The following BMPER variants were observed in gnomAD, a reference collection of about 807,000 sequenced individuals.
BMPER encodes BMP-binding endothelial regulator protein.
BMPER carries 45 observed loss-of-function variants against 87.3 expected under a neutral mutation model. That is an observed-to-expected ratio of 0.52 (90% CI 0.41 to 0.66). The LOEUF is 0.66. BMPER is among the 30% of genes least tolerant of loss of function. BMPER has a pLI of 0.00. For synonymous variants in BMPER, 326 were observed against 316.2 expected, an observed-to-expected ratio of 1.03 and a Z score of -0.33; for missense variants, 784 against 867.5, an observed-to-expected ratio of 0.90 and a Z score of 1.21.
chr7:34,152,113 T>A (rs1791190884), intron 14 of BMPER, among the ~76,000 whole-genome samples: 1 of 152,224 alleles, frequency 6.6e-6, no homozygotes, highest in African/African-American at 2.4e-5. Flanking sequence ...AATTACACGA[T>A]TCCTTACCAG....
intron 3 of BMPER, among the ~76,000 whole-genome samples, chr7:33,958,922 G>A (rs1785207259): frequency 6.6e-6 from 1 of 152,042 alleles, no homozygotes; most frequent in Non-Finnish European, 1.5e-5. Flanking sequence ...GAATGGTGGG[G>A]GCAGTTTCCC....
chr7:34,107,290 C>T (rs1018647826), intron 13 of BMPER, among the ~76,000 whole-genome samples: 1 of 152,206 alleles, frequency 6.6e-6, no homozygotes, highest in East Asian at 1.9e-4. Context: ...TTTTAGCATA[C>T]AGAAACTATG....
At chr7:34,022,428 C>T (rs993673736) in intron 6 of BMPER, among the ~76,000 whole-genome samples, 23 of 148,118 alleles carry the variant, frequency 1.6e-4, no homozygotes, top group African/African-American at 3.1e-4. Context: ...CTTGAATCCA[C>T]GTGGAAATGG....
intron 7 of BMPER, among the ~76,000 whole-genome samples, chr7:34,048,209 A>AT (rs915539261): frequency 1.3e-5 from 2 of 151,960 alleles, no homozygotes; most frequent in Non-Finnish European, 2.9e-5. Flanking sequence ...CATGAAGTCT[A>AT]TTTTTTTATG....
chr7:34,001,674 C>T (rs1447717770), intron 6 of BMPER, among the ~76,000 whole-genome samples: 8 of 151,286 alleles, frequency 5.3e-5, no homozygotes, highest in Non-Finnish European at 1.0e-4. Flanking sequence ...CTCGATTTCA[C>T]ATATTGCCAT....
chr7:34,085,870 T>C lies in BMPER; in HGVS notation c.1523T>C (p.Leu508Ser). ...TACAATGGACATAAACGTGATGACT[T>C]AATTGGTGGAGATGGAAACTTCAAG... ...GNYNGHKRDD[L>S]IGGDGNFKFD... is the part of the protein sequence containing the mutation. Residue 508 changes from leucine (L) to serine (S), a missense_variant, in exon 13 of 15, where the codon TTA (leucine) becomes TCA (serine). Physicochemically the swap from Leu to Ser is moderately radical, Grantham distance 145. Transcript: ENST00000649409. 1 of 1,614,066 alleles carries C rather than the reference T, an allele frequency of 6.2e-7. No homozygotes were observed. The highest frequency in any genetic ancestry group is 1.6e-4 in the Middle Eastern group (1 of 6,062).
At chr7:34,152,443 T>G (rs1256034345) in intron 14 of BMPER, among the ~76,000 whole-genome samples, 2 of 152,204 alleles carry the variant, frequency 1.3e-5, no homozygotes, top group African/African-American at 2.4e-5. Flanking sequence ...AAAATCACTT[T>G]GCCTCTAAGT....
chr7:34,018,905 T>A (rs1787108599), intron 6 of BMPER, among the ~76,000 whole-genome samples: 1 of 152,028 alleles, frequency 6.6e-6, no homozygotes, highest in Non-Finnish European at 1.5e-5. Flanking sequence ...TGAAATGGGC[T>A]GCTTGCCTTG....
intron 3 of BMPER, among the ~76,000 whole-genome samples, chr7:33,954,651 AG>A (rs1245195397): frequency 3.3e-5 from 5 of 152,210 alleles, no homozygotes; most frequent in African/African-American, 1.2e-4. Flanking sequence ...TAAAAGTATA[AG>A]CCTTTGTTGA....
chr7:34,059,531 C>T (rs567072082), intron 10 of BMPER, among the ~76,000 whole-genome samples: 12 of 147,746 alleles, frequency 8.1e-5, no homozygotes, highest in African/African-American at 2.0e-4. Flanking sequence ...ACCCCCTCCA[C>T]GCCTTGTCAA....
chr7:34,100,838 T>C (rs1463787756), intron 13 of BMPER, among the ~76,000 whole-genome samples: 1 of 152,154 alleles, frequency 6.6e-6, no homozygotes, highest in Admixed American at 6.5e-5. Flanking sequence ...ATACACTTGC[T>C]ACCCACGTAT....
At chr7:33,941,973 G>A (rs1784778531) in intron 3 of BMPER, among the ~76,000 whole-genome samples, 1 of 152,094 alleles carries the variant, frequency 6.6e-6, no homozygotes, top group African/African-American at 2.4e-5. Flanking sequence ...GTGTGGTCAG[G>A]CCTCTTGCGG....
intron 3 of BMPER, among the ~76,000 whole-genome samples, chr7:33,937,742 C>G (rs1784643053): frequency 6.6e-6 from 1 of 152,184 alleles, no homozygotes; most frequent in Non-Finnish European, 1.5e-5. Flanking sequence ...AGTTTCAACA[C>G]TCAGTTTTTC....
intron 9 of BMPER, 67 bp from the exon 10 acceptor site, chr7:34,057,992 T>C: frequency 7.1e-7 from 1 of 1,403,660 alleles, no homozygotes. Context: ...ATGGAGAGGT[T>C]ACAGTCTGTT....
intron 6 of BMPER, among the ~76,000 whole-genome samples, chr7:34,020,612 T>C (rs1787153814): frequency 6.6e-6 from 1 of 151,906 alleles, no homozygotes; most frequent in Admixed American, 6.6e-5. Context: ...GTACATGGTT[T>C]GTGGATCAGA....
chr7:34,085,929 G>T lies in BMPER; in HGVS notation c.1582G>T (p.Val528Leu). 6.2e-7 allele frequency: 1 copy of T among 1,614,166 alleles called. No individual in the cohort carries two copies. The highest frequency in any genetic ancestry group is 8.5e-7 in the Non-Finnish European group (1 of 1,180,030). The change falls in exon 13 of 15, where the codon GTG (valine) becomes TTG (leucine). Residue 528 changes from valine (V) to leucine (L), a missense_variant. Val to Leu is a conservative substitution (Grantham distance 32). Coordinates refer to ENST00000649409, the MANE Select transcript of BMPER (RefSeq NM_001365308.1). ...GGATGACTTTGCTGAATCTTGGAGG[G>T]TGGAGTCCAATGAGTTCTGCAACAG... is the stretch of plus-strand genomic sequence containing the variant. ...DVDDFAESWR[V>L]ESNEFCNRPQ...
At chr7:33,986,804 T>A (rs1193583276) in intron 6 of BMPER, among the ~76,000 whole-genome samples, 2 of 152,294 alleles carry the variant, frequency 1.3e-5, no homozygotes, top group Admixed American at 1.3e-4. Context: ...AATATTAGTC[T>A]CAGAGTACTT....
At chr7:34,006,723 T>C (rs554576268) in intron 6 of BMPER, among the ~76,000 whole-genome samples, 1 of 152,190 alleles carries the variant, frequency 6.6e-6, no homozygotes, top group South Asian at 2.1e-4. Context: ...ATGTTTCAGT[T>C]ATGGACGTCT....
At chr7:34,066,386 A>C (rs780204832) in intron 11 of BMPER, among the ~76,000 whole-genome samples, 1 of 152,270 alleles carries the variant, frequency 6.6e-6, no homozygotes, top group Non-Finnish European at 1.5e-5. Context: ...CTGTCTTTTC[A>C]TAACATGGAA....
Sources: gnomAD v4.1 joint callset for allele counts (sites outside exome capture counted in the v4.1 genomes callset) on GRCh38, gnomAD v4.1.1 for gene constraint, MANE v1.5 for transcripts, NCBI Gene and HGNC (gene_info 2026-07-23, HGNC 2026-07-21) for gene names.